The following GRM1 variants were observed in gnomAD, a reference collection of about 807,000 sequenced individuals.
GRM1 encodes glutamate metabotropic receptor 1, also known as metabotropic glutamate receptor 1.
GRM1 carries 33 observed loss-of-function variants against 90.9 expected under a neutral mutation model. The ratio of observed to expected loss-of-function variants is 0.36; its 90% CI spans 0.28 to 0.49. The LOEUF (loss-of-function observed/expected upper bound fraction) is 0.49. Among genes scored for constraint, GRM1 ranks in the 20% least tolerant of loss-of-function variants. The pLI, the probability that GRM1 is intolerant of heterozygous loss-of-function variation, is 0.99. For missense variants in GRM1, 1,190 were observed against 1,534.3 expected (o/e 0.78, Z 3.75); for synonymous variants, 700 against 613.2 (o/e 1.14, Z -2.09).
intron 1 of GRM1, among the ~76,000 whole-genome samples, chr6:146,108,535 CA>C (rs1172761269): frequency 6.6e-6 from 1 of 152,156 alleles, no homozygotes; most frequent in African/African-American, 2.4e-5. Flanking sequence ...ACTGTAAGTC[CA>C]ATAAACCTCT....
intron 2 of GRM1, among the ~76,000 whole-genome samples, chr6:146,278,971 T>C (rs1046160294): frequency 2.6e-5 from 4 of 152,122 alleles, no homozygotes; most frequent in Non-Finnish European, 5.9e-5. Context: ...TCCTAAAGTG[T>C]TGGAATTACA....
rs1408728261 is a variant in GRM1, at chr6:146,141,297, T to C, written c.701-18051T>C. Among the ~76,000 whole-genome samples the C allele has an allele frequency of 5.9e-5, 9 of 151,942 alleles. No individual in the cohort carries two copies. The East Asian group carries it at 1.7e-3, about 29-fold the overall frequency. ...GTTCTTAGTTTTTTTTTTTTTCTCTTGCTGCTTCTAAGATTTTTTTTTTGT... is the reference window on the plus strand; with the variant it reads ...GTTCTTAGTTTTTTTTTTTTTCTCTCGCTGCTTCTAAGATTTTTTTTTTGT... On this transcript the variant is annotated intron_variant, in intron 1 of 7. Coordinates refer to ENST00000282753, the MANE Select transcript of GRM1 (RefSeq NM_001278064.2).
intron 6 of GRM1, among the ~76,000 whole-genome samples, chr6:146,391,611 C>G (rs1448864123): frequency 6.6e-6 from 1 of 151,828 alleles, no homozygotes; most frequent in Non-Finnish European, 1.5e-5. Flanking sequence ...CATGACATTA[C>G]ATAATTGGAC....
intron 5 of GRM1, among the ~76,000 whole-genome samples, chr6:146,380,900 G>A (rs1395004362): frequency 6.6e-6 from 1 of 152,162 alleles, no homozygotes; most frequent in Non-Finnish European, 1.5e-5. Flanking sequence ...CCCAGGATGT[G>A]TATAGAAGTG....
At chr6:146,072,086 CTTTT>C in intron 1 of GRM1, among the ~76,000 whole-genome samples, 1 of 152,240 alleles carries the variant, frequency 6.6e-6, no homozygotes, top group East Asian at 1.9e-4. Context: ...TCAAATCATT[CTTTT>C]TGATAAACAT....
chr6:146,028,248 TG>T (rs1790565759), upstream of GRM1, among the ~76,000 whole-genome samples: 1 of 149,040 alleles, frequency 6.7e-6, no homozygotes, highest in African/African-American at 2.5e-5. Flanking sequence ...TGTGTGTGTG[TG>T]TGTGTGTGTG....
intron 2 of GRM1, among the ~76,000 whole-genome samples, chr6:146,215,280 T>G (rs1454010794): frequency 2.0e-5 from 3 of 152,236 alleles, no homozygotes; most frequent in East Asian, 3.8e-4. Context: ...GGTCTCTTCC[T>G]TAATGATAGT....
chr6:146,051,167 G>C (rs1336198990), intron 1 of GRM1, among the ~76,000 whole-genome samples: 1 of 151,958 alleles, frequency 6.6e-6, no homozygotes, highest in African/African-American at 2.4e-5. Context: ...GAGTCACTGA[G>C]ACTCTCTAAA....
intron 3 of GRM1, among the ~76,000 whole-genome samples, chr6:146,306,042 G>A (rs1239818475): frequency 1.3e-5 from 2 of 152,154 alleles, no homozygotes; most frequent in African/African-American, 2.4e-5. Context: ...ATATGTAAAT[G>A]CATCAATGTA....
intron 3 of GRM1, among the ~76,000 whole-genome samples, chr6:146,307,067 C>G (rs1335199077): frequency 2.0e-5 from 3 of 152,098 alleles, no homozygotes; most frequent in Admixed American, 6.6e-5. Flanking sequence ...GTTGAGCTCT[C>G]AAAACAAGTT....
chr6:146,204,965 T>A (rs1263389757), intron 2 of GRM1, among the ~76,000 whole-genome samples: 1 of 152,230 alleles, frequency 6.6e-6, no homozygotes, highest in Non-Finnish European at 1.5e-5. Flanking sequence ...GGTCCTTGAA[T>A]TTCAGTAGAG....
intron 2 of GRM1, among the ~76,000 whole-genome samples, chr6:146,214,439 C>T (rs188153114): frequency 6.6e-5 from 10 of 152,214 alleles, no homozygotes; most frequent in Non-Finnish European, 1.3e-4. Flanking sequence ...GTAAGGTTGT[C>T]AGAGAAAACC....
At position 146,310,103 on chromosome 6, in the gene GRM1, C is replaced by T. The variant is rs373056328; in HGVS notation, c.1186+5257C>T. Among the ~76,000 whole-genome samples, 10 of 152,200 alleles carry T rather than the reference C, an allele frequency of 6.6e-5. No individual in the cohort carries two copies. The East Asian group carries it at 1.5e-3, about 23-fold the overall frequency. ...CATAATGAAAGAATCTGGCTGGTAT[C>T]TAATTCTCACCAACAGCTCAGGACT... On this transcript the variant is annotated intron_variant, in intron 3 of 7. Coordinates refer to ENST00000282753, the MANE Select transcript of GRM1 (RefSeq NM_001278064.2).
chr6:146,037,114 C>G (rs1430704041), intron 1 of GRM1, among the ~76,000 whole-genome samples: 1 of 151,852 alleles, frequency 6.6e-6, no homozygotes, highest in East Asian at 1.9e-4. Flanking sequence ...ATGTTATATT[C>G]CTCACAGCAG....
intron 7 of GRM1, among the ~76,000 whole-genome samples, chr6:146,415,892 T>C (rs1015482182): frequency 2.0e-5 from 3 of 152,218 alleles, no homozygotes; most frequent in African/African-American, 7.2e-5. Context: ...ACTGGGAAAA[T>C]ATATTGAATT....
At chr6:146,213,668 T>C (rs749719655) in intron 2 of GRM1, among the ~76,000 whole-genome samples, 19 of 151,266 alleles carry the variant, frequency 1.3e-4, no homozygotes, top group South Asian at 2.1e-4. Context: ...AGGAGATAGA[T>C]AGATAGATGG....
At chr6:146,426,457 C>A in intron 7 of GRM1, 2 of 1,063,582 alleles carry the variant, frequency 1.9e-6, no homozygotes, top group South Asian at 2.7e-5. Context: ...CAATACAGAG[C>A]AAGGCTCAGG....
intron 1 of GRM1, among the ~76,000 whole-genome samples, chr6:146,043,445 T>TTTCATCTA (rs1791190284): frequency 6.6e-6 from 1 of 151,964 alleles, no homozygotes; most frequent in African/African-American, 2.4e-5. Flanking sequence ...TGCTTATCAT[T>TTTCATCTA]TTCATCTATT....
chr6:146,125,286 A>T (rs1451253547), intron 1 of GRM1, among the ~76,000 whole-genome samples: 1 of 152,162 alleles, frequency 6.6e-6, no homozygotes, highest in East Asian at 1.9e-4. Context: ...TACACAGGAA[A>T]CATATCTTAA....
Sources: allele counts gnomAD v4.1 joint callset (sites outside exome capture counted in the v4.1 genomes callset), GRCh38; gene constraint gnomAD v4.1.1; transcripts MANE v1.5; gene names NCBI Gene and HGNC (gene_info 2026-07-23, HGNC 2026-07-21).